MTMR7: variants seen among roughly 807,000 people sequenced by gnomAD.
The protein encoded by MTMR7 is myotubularin related protein 7, also known as phosphatidylinositol-3-phosphate phosphatase MTMR7.
A neutral mutation model predicts 81.2 loss-of-function variants in MTMR7; 76 were observed. The ratio of observed to expected loss-of-function variants is 0.94; its 90% CI spans 0.78 to 1.13. MTMR7 has a LOEUF of 1.13. MTMR7 is among the 50% of genes most tolerant of loss of function. MTMR7 has a pLI of 0.00. For missense variants in MTMR7, 1,044 were observed against 820.0 expected (o/e 1.27, Z -3.34); for synonymous variants, 372 against 289.8 (o/e 1.28, Z -2.88).
intron 1 of MTMR7, among the ~76,000 whole-genome samples, chr8:17,393,921 C>CATATGA (rs1375523592): frequency 6.6e-6 from 1 of 152,136 alleles, no homozygotes; most frequent in Non-Finnish European, 1.5e-5. Flanking sequence ...CCAAAGAAGA[C>CATATGA]ATATGAATAG....
intron 5 of MTMR7, among the ~76,000 whole-genome samples, chr8:17,345,107 A>G (rs945604142): frequency 6.6e-6 from 1 of 152,218 alleles, no homozygotes; most frequent in African/African-American, 2.4e-5. Flanking sequence ...TGGATATTCA[A>G]AGGGAGCCCA....
chr8:17,304,783 G>C (rs1817347400), intron 11 of MTMR7, among the ~76,000 whole-genome samples: 1 of 151,310 alleles, frequency 6.6e-6, no homozygotes. Context: ...CTGTTCTTTT[G>C]GGGGGAGTTT....
intron 1 of MTMR7, among the ~76,000 whole-genome samples, chr8:17,381,070 G>A (rs569470767): frequency 2.6e-5 from 4 of 151,868 alleles, no homozygotes; most frequent in South Asian, 4.2e-4. Context: ...GTCAGGTTCC[G>A]CAAAAAAAAG....
intron 1 of MTMR7, among the ~76,000 whole-genome samples, chr8:17,375,117 G>T (rs1319919332): frequency 6.6e-6 from 1 of 152,096 alleles, no homozygotes; most frequent in South Asian, 2.1e-4. Context: ...AGGAGGTGTG[G>T]TCCTGATCTA....
chr8:17,366,998 G>A (rs1057408710), intron 3 of MTMR7, among the ~76,000 whole-genome samples: 1 of 132,586 alleles, frequency 7.5e-6, no homozygotes, highest in African/African-American at 3.4e-5. Context: ...CACCTTATCT[G>A]TCTTGTTTTA....
intron 6 of MTMR7, 136 bp downstream of exon 6, chr8:17,341,227 A>G: frequency 8.7e-7 from 1 of 1,151,972 alleles, no homozygotes; most frequent in Non-Finnish European, 1.2e-6. Flanking sequence ...GGGTGCCCAG[A>G]CACTGACTAT....
At chr8:17,406,370 T>C (rs567131045) in intron 1 of MTMR7, among the ~76,000 whole-genome samples, 7 of 152,248 alleles carry the variant, frequency 4.6e-5, no homozygotes, top group East Asian at 1.9e-4. Flanking sequence ...AGGAAAATGG[T>C]TGATAAGCAC....
intron 3 of MTMR7, among the ~76,000 whole-genome samples, chr8:17,363,576 T>C (rs190310036): frequency 2.2e-4 from 33 of 151,960 alleles, no homozygotes; most frequent in African/African-American, 7.5e-4. Context: ...TTAGGATGGG[T>C]TGACACTGAA....
chr8:17,340,213 A>G (rs1183434936), intron 6 of MTMR7, among the ~76,000 whole-genome samples: 3 of 152,232 alleles, frequency 2.0e-5, no homozygotes, highest in African/African-American at 7.2e-5. Context: ...TTCGCCTCCC[A>G]AAGTGCTGGG....
chr8:17,332,510 A>AG (rs1819055061), intron 6 of MTMR7, among the ~76,000 whole-genome samples: 1 of 152,232 alleles, frequency 6.6e-6, no homozygotes, highest in African/African-American at 2.4e-5. Context: ...CAGCAGACAG[A>AG]CAGATGCTCT....
chr8:17,403,792 A>G (rs74498156), intron 1 of MTMR7, among the ~76,000 whole-genome samples: 1 of 151,738 alleles, frequency 6.6e-6, no homozygotes, highest in South Asian at 2.1e-4. Context: ...TTTACTTCTT[A>G]GGTTAAATTG....
chr8:17,379,374 T>G (rs571403719), intron 1 of MTMR7, among the ~76,000 whole-genome samples: 199 of 152,198 alleles, frequency 1.3e-3, no homozygotes, highest in African/African-American at 4.7e-3. Flanking sequence ...AAGAGCCACG[T>G]TAGCTTTTCA....
intron 6 of MTMR7, 98 bp from the exon 7 acceptor site, chr8:17,331,380 G>A: frequency 7.7e-7 from 1 of 1,298,124 alleles, no homozygotes; most frequent in Non-Finnish European, 1.0e-6. Flanking sequence ...AAAGCATTCA[G>A]AATGATGTAC....
chr8:17,300,280 A>C (rs202019101), intron 13 of MTMR7, 56 bp from the exon 14 acceptor site: 1 of 1,519,842 alleles, frequency 6.6e-7, no homozygotes, highest in Non-Finnish European at 8.9e-7. Context: ...ATCTTTTTCT[A>C]TATATGCATG....
intron 3 of MTMR7, among the ~76,000 whole-genome samples, chr8:17,361,520 A>T (rs1183839913): frequency 6.6e-6 from 1 of 152,214 alleles, no homozygotes; most frequent in Non-Finnish European, 1.5e-5. Context: ...GAACACAGGG[A>T]CATCTCCATT....
Position 17,300,187 on chromosome 8 carries a change from G to C in MTMR7, c.1658C>G (p.Thr553Ser), listed in dbSNP as rs767705079. The C allele has an allele frequency of 4.3e-6, 7 of 1,613,298 alleles. No individual in the cohort carries two copies. The highest frequency in any genetic ancestry group is 5.9e-6 in the Non-Finnish European group (7 of 1,179,574). Residue 553 changes from threonine to serine, a missense_variant, in exon 14 of 14, where the codon ACT becomes AGT. By Grantham distance (58) the Thr-to-Ser change is moderately conservative. Coordinates refer to ENST00000180173, the MANE Select transcript of MTMR7 (RefSeq NM_004686.5). The part of the protein sequence containing the change: ...EKIQKVQLNC[T>S]KVKSKQSEPS... ...CTCACTTTGCTTACTCTTCACCTTA[G>C]TGCAATTTAACTGGACCTTTTGAAT...
At position 17,338,729 on chromosome 8, in the gene MTMR7, A is replaced by AT. The variant is rs3040964; in HGVS notation, c.732+2633dup. On this transcript the variant is annotated intron_variant, in intron 6 of 13. Coordinates refer to ENST00000180173, the MANE Select transcript of MTMR7 (RefSeq NM_004686.5). ...GTGAAAATCTTCCAGCAAAGGAGCT[A>AT]TTTTTTTTTTTTTCAGTTTGAAACT... 194 of 146,574 alleles carry AT rather than the reference A, an allele frequency of 1.3e-3. 2 individuals are homozygous for AT. The highest frequency in any genetic ancestry group is 2.9e-3 in the Admixed American group (43 of 14,690). 9.1% of individuals were successfully genotyped at this position (146,574 alleles called of 1,614,324 possible).
At chr8:17,365,673 A>G (rs1820204366) in intron 3 of MTMR7, among the ~76,000 whole-genome samples, 1 of 152,196 alleles carries the variant, frequency 6.6e-6, no homozygotes, top group African/African-American at 2.4e-5. Context: ...ATGCCTTTGG[A>G]CTGTGGGAGT....
intron 1 of MTMR7, among the ~76,000 whole-genome samples, chr8:17,402,893 T>C (rs1056841366): frequency 3.3e-5 from 5 of 152,216 alleles, no homozygotes; most frequent in African/African-American, 9.6e-5. Flanking sequence ...TTTCTTCTTA[T>C]CCTTGCCAGC....
Sources: allele counts gnomAD v4.1 joint callset (sites outside exome capture counted in the v4.1 genomes callset), GRCh38; gene constraint gnomAD v4.1.1; transcripts MANE v1.5; gene names NCBI Gene and HGNC (gene_info 2026-07-23, HGNC 2026-07-21).